Variants in PLCG2 observed in about 807,000 individuals in gnomAD.
PLCG2 encodes 1-phosphatidylinositol 4,5-bisphosphate phosphodiesterase gamma-2.
A neutral mutation model predicts 175.6 loss-of-function variants in PLCG2; 69 were observed. The observed-to-expected ratio is 0.39, with a 90% CI of 0.32 to 0.48. PLCG2 has a LOEUF of 0.48. Among genes scored for constraint, PLCG2 ranks in the 20% least tolerant of loss-of-function variants. The pLI, the probability that PLCG2 is intolerant of heterozygous loss-of-function variation, is 0.91. For missense variants in PLCG2, 1,798 were observed against 1,650.9 expected, an observed-to-expected ratio of 1.09 and a Z score of -1.54; for synonymous variants, 827 against 624.0, an observed-to-expected ratio of 1.33 and a Z score of -4.85.
chr16:81,843,574 C>T (rs1272597323), intron 2 of PLCG2, among the ~76,000 whole-genome samples: 1 of 152,208 alleles, frequency 6.6e-6, no homozygotes, highest in African/African-American at 2.4e-5. Context: ...GAATACAAAG[C>T]ATCTACAGCA....
chr16:81,777,345 A>G (rs7194672), upstream of PLCG2, among the ~76,000 whole-genome samples: 1,639 of 151,958 alleles, frequency 0.011, 28 homozygotes, highest in African/African-American at 0.037. Context: ...ATACATATAT[A>G]TGACTGAACT....
intron 2 of PLCG2, among the ~76,000 whole-genome samples, chr16:81,829,483 G>A (rs1390581360): frequency 6.6e-6 from 1 of 152,216 alleles, no homozygotes; most frequent in African/African-American, 2.4e-5. Flanking sequence ...CTCCCGAAGT[G>A]TTGGGATTAC....
At chr16:81,880,109 C>T (rs796702867) in intron 7 of PLCG2, among the ~76,000 whole-genome samples, 51 of 152,168 alleles carry the variant, frequency 3.4e-4, no homozygotes, top group African/African-American at 1.1e-3. Context: ...GGCATGGTGG[C>T]GCATGCCTGT....
intron 22 of PLCG2, among the ~76,000 whole-genome samples, chr16:81,924,142 G>A (rs1597135180): frequency 1.3e-5 from 2 of 152,338 alleles, no homozygotes; most frequent in African/African-American, 4.8e-5. Flanking sequence ...AGGTACCTGG[G>A]TATGCTAGGG....
intron 1 of PLCG2, chr16:81,740,211 A>T (rs4407053): frequency 0.48 from 72,466 of 150,852 alleles, 19,955 homozygotes; most frequent in East Asian, 0.72. Flanking sequence ...GCAGGTACGC[A>T]GGTAGTAAGG....
Position 81,956,817 on chromosome 16 carries a change from G to T in PLCG2, c.3693G>T (p.Leu1231=). Residue 1231 remains leucine (L), a synonymous_variant, in exon 32 of 33, where the codon CTG becomes CTT. Transcript: ENST00000564138. ...TGCGCAATGCCAACCGGGATGCCCT[G>T]GTTAAAGAGTTCAGTGTTAATGAGA... ...QNLRNANRDA[L]VKEFSVNENQ... is the part of the protein sequence containing the mutation. 1 of 1,614,164 alleles carries T rather than the reference G, an allele frequency of 6.2e-7. No homozygotes were observed. The highest frequency in any genetic ancestry group is 8.5e-7 in the Non-Finnish European group (1 of 1,180,014).
At chr16:81,741,665 C>A (rs879313254) in intron 1 of PLCG2, among the ~76,000 whole-genome samples, 1 of 152,038 alleles carries the variant, frequency 6.6e-6, no homozygotes, top group Admixed American at 6.6e-5. Flanking sequence ...CAAAAATGAA[C>A]TTGGTGTGGT....
chr16:81,877,418 G>A (rs1181976101), intron 7 of PLCG2, among the ~76,000 whole-genome samples: 5 of 152,214 alleles, frequency 3.3e-5, no homozygotes, highest in Admixed American at 2.0e-4. Context: ...TTGCGCCACT[G>A]CACTCCAGCC....
chr16:81,861,364 T>C (rs1195723659), intron 5 of PLCG2, among the ~76,000 whole-genome samples: 1 of 152,254 alleles, frequency 6.6e-6, no homozygotes, highest in African/African-American at 2.4e-5. Flanking sequence ...CAGTGTCCTC[T>C]GTTACTTGTT....
chr16:81,828,446 G>A (rs572833156), intron 2 of PLCG2, among the ~76,000 whole-genome samples: 158 of 151,948 alleles, frequency 1.0e-3, no homozygotes, highest in African/African-American at 3.6e-3. Context: ...CACCATGTTA[G>A]CCAGGATGGT....
intron 31 of PLCG2, among the ~76,000 whole-genome samples, chr16:81,949,866 T>C (rs1347763120): frequency 6.6e-6 from 1 of 152,204 alleles, no homozygotes; most frequent in Non-Finnish European, 1.5e-5. Context: ...TGCTAAAGGT[T>C]ATTTCAACTT....
intron 5 of PLCG2, among the ~76,000 whole-genome samples, chr16:81,859,787 T>C (rs771347294): frequency 5.9e-5 from 9 of 152,234 alleles, no homozygotes; most frequent in Admixed American, 1.3e-4. Flanking sequence ...CCGCCCACCT[T>C]GGCCTCCCAA....
At chr16:81,926,975 C>T (rs1157274490) in intron 22 of PLCG2, 107 bp from the exon 23 acceptor site, 3 of 727,364 alleles carry the variant, frequency 4.1e-6, no homozygotes, top group Non-Finnish European at 5.0e-6. Flanking sequence ...TGGCCACTTG[C>T]TGTCTGTCCC....
intron 5 of PLCG2, chr16:81,859,402 C>T: frequency 2.1e-6 from 1 of 468,738 alleles, no homozygotes; most frequent in Non-Finnish European, 3.8e-6. Context: ...TGCCATGGGG[C>T]ATTTGGACCT....
Position 81,961,081 on chromosome 16 carries a change from AG to A in PLCG2, c.*3084del, listed in dbSNP as rs1312384318. 1 of 231,250 alleles carries A rather than the reference AG, an allele frequency of 4.3e-6. No homozygotes were observed. The highest frequency in any genetic ancestry group is 8.5e-6 in the Non-Finnish European group (1 of 116,976). The allele number at this position is 231,250 out of a possible 1,614,324, so 14.3% of individuals were successfully genotyped here. ...AATCTTTTTGCAAATGGATTTTCCA[AG>A]TTTTTCTGGTGGTTCCAAATTTTTT... On this transcript the variant is annotated 3_prime_UTR_variant, in exon 33 of 33. Transcript: ENST00000564138.
At chr16:81,785,496 AT>A (rs10555890) in intron 1 of PLCG2, among the ~76,000 whole-genome samples, 25,408 of 147,236 alleles carry the variant, frequency 0.17, 2,524 homozygotes, top group East Asian at 0.54. Context: ...CGTTTATTTC[AT>A]TTTTTTTTTT....
In PLCG2 at chr16:81,956,822, A is replaced by C. The variant is rs1458609437; in HGVS notation, c.3698A>C (p.Lys1233Thr). 1.9e-6 allele frequency: 3 copies of C among 1,614,180 alleles called. No individual in the cohort carries two copies. The highest frequency in any genetic ancestry group is 2.5e-6 in the Non-Finnish European group (3 of 1,180,002). ...LRNANRDALV[K>T]EFSVNENQLQ... ...AATGCCAACCGGGATGCCCTGGTTA[A>C]AGAGTTCAGTGTTAATGAGAACCAG... Residue 1233 changes from lysine to threonine, a missense_variant, in exon 32 of 33, where the codon AAA becomes ACA. Transcript: ENST00000564138.
intron 7 of PLCG2, among the ~76,000 whole-genome samples, chr16:81,873,309 T>G (rs1054905433): frequency 1.3e-5 from 2 of 152,194 alleles, no homozygotes; most frequent in African/African-American, 4.8e-5. Flanking sequence ...GACAGGAAAC[T>G]GTAACAACCA....
At chr16:81,766,564 C>A (rs1193294964) in intron 2 of PLCG2, among the ~76,000 whole-genome samples, 1 of 152,296 alleles carries the variant, frequency 6.6e-6, no homozygotes, top group African/African-American at 2.4e-5. Flanking sequence ...AAAAACCCAG[C>A]CCTTCCTCCC....
Sources: allele counts gnomAD v4.1 joint callset (sites outside exome capture counted in the v4.1 genomes callset), GRCh38; gene constraint gnomAD v4.1.1; transcripts MANE v1.5; gene names NCBI Gene and HGNC (gene_info 2026-07-23, HGNC 2026-07-21).